DOK6: variants seen among roughly 807,000 people sequenced by gnomAD.
DOK6 encodes downstream of tyrosine kinase 6.
In DOK6, 22 loss-of-function variants were observed where a neutral mutation model predicts 44.0. The ratio of observed to expected loss-of-function variants is 0.50; its 90% confidence interval spans 0.36 to 0.71. DOK6 has a LOEUF of 0.71. Ranked by LOEUF, DOK6 falls within the 30% of genes least tolerant of loss-of-function variation. The probability of loss-of-function intolerance (pLI) is 0.00; values close to 1 mark genes in which losing one functional copy is unlikely to be tolerated. For synonymous variants in DOK6, 166 were observed against 145.5 expected, an observed-to-expected ratio of 1.14 and a Z score of -1.01; for missense variants, 340 against 416.4, an observed-to-expected ratio of 0.82 and a Z score of 1.60.
chr18:69,814,767 T>A (rs373254942), intron 7 of DOK6, among the ~76,000 whole-genome samples: 8 of 152,040 alleles, frequency 5.3e-5, no homozygotes, highest in African/African-American at 1.9e-4. Context: ...GAACTCACTA[T>A]TATGAGAACA....
At chr18:69,680,295 T>G (rs751446567) in intron 4 of DOK6, among the ~76,000 whole-genome samples, 2 of 152,188 alleles carry the variant, frequency 1.3e-5, no homozygotes, top group Non-Finnish European at 2.9e-5. Context: ...AGAAAATTCC[T>G]GGATGGGGAG....
At chr18:69,530,461 G>A (rs1981953919) in intron 1 of DOK6, among the ~76,000 whole-genome samples, 1 of 152,120 alleles carries the variant, frequency 6.6e-6, no homozygotes, top group East Asian at 1.9e-4. Context: ...GGCCTGGATA[G>A]CAGATATGCT....
chr18:69,455,979 T>A (rs1014754448), intron 1 of DOK6, among the ~76,000 whole-genome samples: 7 of 152,164 alleles, frequency 4.6e-5, no homozygotes, highest in Admixed American at 6.6e-5. Context: ...TTAAAAATCA[T>A]AATTTAAAAG....
intron 5 of DOK6, among the ~76,000 whole-genome samples, chr18:69,737,554 A>G (rs1231498611): frequency 6.6e-6 from 1 of 152,170 alleles, no homozygotes; most frequent in African/African-American, 2.4e-5. Context: ...TTATTCCAAC[A>G]TGGCTGACAA....
At chr18:69,628,685 A>G (rs902802102) in intron 3 of DOK6, among the ~76,000 whole-genome samples, 2 of 152,172 alleles carry the variant, frequency 1.3e-5, no homozygotes, top group African/African-American at 4.8e-5. Context: ...TTTGCCTAAC[A>G]TATTTTGATT....
At chr18:69,685,231 T>C (rs1986126733) in intron 4 of DOK6, among the ~76,000 whole-genome samples, 2 of 152,180 alleles carry the variant, frequency 1.3e-5, no homozygotes, top group Admixed American at 6.5e-5. Flanking sequence ...TATCCATTTT[T>C]TTTTCCTGCT....
chr18:69,683,097 A>C (rs1986078273), intron 4 of DOK6, among the ~76,000 whole-genome samples: 1 of 152,132 alleles, frequency 6.6e-6, no homozygotes, highest in Non-Finnish European at 1.5e-5. Context: ...TTTATAACCA[A>C]ACAAAAGAGT....
At chr18:69,708,124 A>G (rs757506273) in intron 5 of DOK6, among the ~76,000 whole-genome samples, 2 of 152,228 alleles carry the variant, frequency 1.3e-5, no homozygotes, top group Non-Finnish European at 2.9e-5. Flanking sequence ...ATGTCAAAAA[A>G]TAAATTGGAC....
At chr18:69,420,072 T>G in intron 1 of DOK6, among the ~76,000 whole-genome samples, 1 of 152,150 alleles carries the variant, frequency 6.6e-6, no homozygotes, top group East Asian at 1.9e-4. Flanking sequence ...TAAATTTATT[T>G]TTTGACAATT....
intron 1 of DOK6, among the ~76,000 whole-genome samples, chr18:69,487,177 ATGTGTGTGTGTGTGTGTGTGTGTGTGTG>A (rs5825940): frequency 7.1e-6 from 1 of 140,368 alleles, no homozygotes; most frequent in Admixed American, 6.9e-5. Context: ...CTGATAGGAT[ATGTGTGTGTGTGTGTGTGTGTGTGTGTG>A]TGTGTGTGTG....
rs547983435 is a variant in DOK6, at chr18:69,623,952, A to G, written c.289+24454A>G. On this transcript the variant is annotated intron_variant, in intron 3 of 7. Transcript: ENST00000382713. ...AAAGGAGTAATTTATAGTGCTGGTA[A>G]CAATTAGACATGATAGACATAGAGC... 2.8e-4 allele frequency among the ~76,000 whole-genome samples: 42 copies of G among 152,322 alleles called. No homozygotes were observed. In the South Asian group the frequency reaches 8.3e-3, roughly 30 times the overall value.
chr18:69,592,354 T>G (rs989700873), intron 2 of DOK6, among the ~76,000 whole-genome samples: 1 of 152,022 alleles, frequency 6.6e-6, no homozygotes, highest in African/African-American at 2.4e-5. Context: ...ATTCTGATTT[T>G]TCCTTCTTTC....
intron 5 of DOK6, among the ~76,000 whole-genome samples, chr18:69,734,063 C>A (rs999052882): frequency 2.6e-5 from 4 of 151,412 alleles, no homozygotes; most frequent in Non-Finnish European, 5.9e-5. Flanking sequence ...TGTAGAAATT[C>A]TTCGATATTT....
In DOK6 at chr18:69,431,461, C is replaced by T. The variant is rs151031913; in HGVS notation, c.66+30151C>T. ...TTTCAAACATCAAAGTTTCTGACAG[C>T]AAACAAGATTTCTCAGTGAGTAGAA... On this transcript the variant is annotated intron_variant, in intron 1 of 7. Coordinates refer to ENST00000382713, the MANE Select transcript of DOK6 (RefSeq NM_152721.6). Among the ~76,000 whole-genome samples the T allele has an allele frequency of 1.1e-3, 173 of 152,252 alleles. 1 individual carries two copies. The highest frequency in any genetic ancestry group is 3.9e-3 in the African/African-American group (162 of 41,540).
At chr18:69,500,098 G>A (rs561644290) in intron 1 of DOK6, among the ~76,000 whole-genome samples, 3 of 152,228 alleles carry the variant, frequency 2.0e-5, no homozygotes, top group East Asian at 1.9e-4. Context: ...CAGCCAGAAC[G>A]ATGCTTGATA....
In DOK6 at chr18:69,503,213, T is replaced by C. The variant is rs1981093267; in HGVS notation, c.67-61274T>C. Among the ~76,000 whole-genome samples, 4 of 152,256 alleles carry C rather than the reference T, an allele frequency of 2.6e-5. 1 individual carries two copies. In the South Asian group the frequency reaches 6.2e-4, roughly 24 times the overall value. ...TCTTTTATTAGACCTAAAAATATAGTTATGGGAATAATATCAAACCTTAAA... is the reference window on the plus strand; with the variant it reads ...TCTTTTATTAGACCTAAAAATATAGCTATGGGAATAATATCAAACCTTAAA... On this transcript the variant is annotated intron_variant, in intron 1 of 7. Transcript: ENST00000382713.
chr18:69,672,174 C>A (rs913737077), intron 3 of DOK6, among the ~76,000 whole-genome samples: 20 of 152,192 alleles, frequency 1.3e-4, no homozygotes, highest in Non-Finnish European at 1.5e-5. Context: ...ATGAGGGGAA[C>A]TCCACAGAAA....
intron 4 of DOK6, among the ~76,000 whole-genome samples, chr18:69,694,089 A>AAAAAT (rs1372739323): frequency 1.4e-5 from 2 of 144,320 alleles, no homozygotes; most frequent in Middle Eastern, 3.6e-3. Flanking sequence ...AAAAAAAAAA[A>AAAAAT]ATTGATCTAT....
rs1053594348 is a variant in DOK6, at chr18:69,400,945, G to T, written c.-300G>T. 4 of 147,048 alleles carry T rather than the reference G, an allele frequency of 2.7e-5. No homozygotes were observed. Among genetic ancestry groups the T allele is most frequent in the African/African-American group, 9.8e-5 (4 of 40,998 alleles). The allele number at this position is 147,048 out of a possible 1,614,324, so 9.1% of individuals were successfully genotyped here. On this transcript the variant is annotated 5_prime_UTR_variant, in exon 1 of 8. Transcript: ENST00000382713. ...TGCTGCCGGGGGCGGCGGCGCGGTG[G>T]GGGCTCCCGCAGCTGGCGGAGGCGC...
Sources: allele counts gnomAD v4.1 joint callset (sites outside exome capture counted in the v4.1 genomes callset), GRCh38; gene constraint gnomAD v4.1.1; transcripts MANE v1.5; gene names NCBI Gene and HGNC (gene_info 2026-07-23, HGNC 2026-07-21).